The following ABLIM1 variants were observed in gnomAD, a reference collection of about 807,000 sequenced individuals.
The protein encoded by ABLIM1 is actin binding LIM protein 1, also known as actin-binding LIM protein 1.
A neutral mutation model predicts 107.0 loss-of-function variants in ABLIM1; 40 were observed. That is an observed-to-expected ratio of 0.37 (90% CI 0.29 to 0.49). The LOEUF is 0.49. Among genes scored for constraint, ABLIM1 ranks in the 20% least tolerant of loss-of-function variants. The pLI, the probability that ABLIM1 is intolerant of heterozygous loss-of-function variation, is 0.97. For missense variants in ABLIM1, 857 were observed against 1,008.5 expected (o/e 0.85, Z 2.04); for synonymous variants, 357 against 357.3 (o/e 1.00, Z 0.01).
chr10:114,798,910 C>T, the ABLIM1 span, among the ~76,000 whole-genome samples: 2 of 152,056 alleles, frequency 1.3e-5, no homozygotes, highest in Admixed American at 6.5e-5. Context: ...ATTCTCCTGC[C>T]TCAGCCTCCC....
At chr10:114,578,797 T>TC (rs2072981453) in intron 2 of ABLIM1, among the ~76,000 whole-genome samples, 1 of 147,522 alleles carries the variant, frequency 6.8e-6, no homozygotes, top group African/African-American at 2.5e-5. Flanking sequence ...TTTTTTTTTT[T>TC]TTTTTGAGAT....
At chr10:114,677,976 T>C (rs2080565960) in intron 1 of ABLIM1, among the ~76,000 whole-genome samples, 1 of 152,154 alleles carries the variant, frequency 6.6e-6, no homozygotes, top group African/African-American at 2.4e-5. Flanking sequence ...CAACTGACAA[T>C]AGAAAAATAC....
At chr10:114,567,149 G>A (rs2070871614) in intron 4 of ABLIM1, among the ~76,000 whole-genome samples, 1 of 152,204 alleles carries the variant, frequency 6.6e-6, no homozygotes, top group Admixed American at 6.5e-5. Context: ...TTGGAGTCAG[G>A]GCACCTGGAT....
At chr10:114,602,067 A>T in intron 1 of ABLIM1, 106 bp from the exon 2 acceptor site, 1 of 1,439,464 alleles carries the variant, frequency 6.9e-7, no homozygotes, top group Admixed American at 1.8e-5. Context: ...ACAGAGATTG[A>T]TTCGACAGTG....
intron 7 of ABLIM1, among the ~76,000 whole-genome samples, chr10:114,489,194 T>G (rs1036658477): frequency 5.9e-5 from 9 of 152,128 alleles, no homozygotes; most frequent in Admixed American, 1.3e-4. Context: ...ATTTTTGTAC[T>G]TTTAGTAAAG....
intron 6 of ABLIM1, among the ~76,000 whole-genome samples, chr10:114,513,991 A>T (rs780385895): frequency 6.6e-6 from 1 of 152,216 alleles, no homozygotes. Flanking sequence ...GAATAACTGC[A>T]TCTGTCCTAC....
chr10:114,552,141 T>C (rs1397204272), intron 4 of ABLIM1, among the ~76,000 whole-genome samples: 4 of 152,178 alleles, frequency 2.6e-5, no homozygotes, highest in Non-Finnish European at 4.4e-5. Flanking sequence ...TACCCACTCC[T>C]GTCTGGACAA....
Position 114,619,546 on chromosome 10 carries a change from C to A in ABLIM1, c.245-17585G>T, listed in dbSNP as rs908803071. On this transcript the variant is annotated intron_variant, in intron 1 of 22. Transcript: ENST00000533213. The surrounding 1 kb of genome is among the most constrained non-coding windows in gnomAD (Gnocchi z 4.1). ...AGCTCTTACACATCAAAAATGAATG[C>A]TATCCAGCATGTAATGCTCGACAAT... Among the ~76,000 whole-genome samples the A allele has an allele frequency of 6.6e-6, 1 of 152,140 alleles. No homozygotes were observed. The highest frequency in any genetic ancestry group is 2.4e-5 in the African/African-American group (1 of 41,438).
chr10:114,745,940 G>A (rs1422564767), intron 1 of ABLIM1, among the ~76,000 whole-genome samples: 1 of 152,160 alleles, frequency 6.6e-6, no homozygotes, highest in African/African-American at 2.4e-5. Flanking sequence ...CTCCAAAACA[G>A]CAGAGGAGTT....
chr10:114,440,233 T>C, intron 19 of ABLIM1, 144 bp from the exon 20 acceptor site: 1 of 830,768 alleles, frequency 1.2e-6, no homozygotes, highest in East Asian at 2.6e-5. Context: ...TCTGCACATG[T>C]TATCCCATCA....
At chr10:114,756,217 C>T (rs2082627178) in intron 1 of ABLIM1, among the ~76,000 whole-genome samples, 1 of 152,054 alleles carries the variant, frequency 6.6e-6, no homozygotes, top group African/African-American at 2.4e-5. Flanking sequence ...TAAATGCTAC[C>T]TTTACTATAA....
At chr10:114,631,880 A>T in intron 1 of ABLIM1, 1 of 1,303,762 alleles carries the variant, frequency 7.7e-7, no homozygotes, top group Non-Finnish European at 1.0e-6. Flanking sequence ...AACCATGCAC[A>T]GTGATCGATA....
chr10:114,444,124 C>CTTAA lies in ABLIM1; in HGVS notation c.1837_1838insTTAA (p.Gly613ValfsTer41). ...TTCTTTCAAGATCAACTGTCCCAGG[C>CTTAA]CTGAGTTAAGCTATTCACAGAAAAA... On this transcript the variant is annotated frameshift_variant, in exon 17 of 23. Transcript: ENST00000533213. LOFTEE classifies it high-confidence loss of function. 6.3e-7 allele frequency: 1 copy of CTTAA among 1,592,656 alleles called. No individual in the cohort carries two copies. Among genetic ancestry groups the CTTAA allele is most frequent in the Non-Finnish European group, 8.5e-7 (1 of 1,172,632 alleles).
intron 8 of ABLIM1, among the ~76,000 whole-genome samples, chr10:114,478,005 A>G (rs2056751842): frequency 6.6e-6 from 1 of 152,042 alleles, no homozygotes; most frequent in Non-Finnish European, 1.5e-5. Flanking sequence ...TACAGACGTG[A>G]GCCATAACGC....
At chr10:114,717,987 A>AAGG (rs2081717360) in intron 1 of ABLIM1, among the ~76,000 whole-genome samples, 1 of 101,922 alleles carries the variant, frequency 9.8e-6, no homozygotes, top group African/African-American at 4.0e-5. Context: ...AGAAAGAAAG[A>AAGG]AAGAAAGGAA....
the ABLIM1 span, among the ~76,000 whole-genome samples, chr10:114,787,682 A>G: frequency 1.0e-5 from 1 of 98,072 alleles, no homozygotes; most frequent in Non-Finnish European, 2.3e-5. Flanking sequence ...CTGCCCGGCC[A>G]GCCACCCCGT....
At chr10:114,794,558 G>C in the ABLIM1 span, among the ~76,000 whole-genome samples, 1 of 152,218 alleles carries the variant, frequency 6.6e-6, no homozygotes, top group South Asian at 2.1e-4. Context: ...CTAGAAAAAT[G>C]AGTAACATCA....
At chr10:114,791,050 C>T in the ABLIM1 span, among the ~76,000 whole-genome samples, 1 of 152,158 alleles carries the variant, frequency 6.6e-6, no homozygotes, top group African/African-American at 2.4e-5. Context: ...TCTGCCAAAT[C>T]ATGATCTGCT....
chr10:114,704,302 C>CTATATATATATA (rs369952218), intron 1 of ABLIM1, among the ~76,000 whole-genome samples: 1 of 43,088 alleles, frequency 2.3e-5, no homozygotes, highest in Non-Finnish European at 4.7e-5. Flanking sequence ...CTCTCTCTCT[C>CTATATATATATA]TATATATATA....
Sources: gnomAD v4.1 joint callset for allele counts (sites outside exome capture counted in the v4.1 genomes callset) on GRCh38, gnomAD v4.1.1 for gene constraint, Gnocchi (gnomAD v3.1) non-coding constraint, MANE v1.5 for transcripts, NCBI Gene and HGNC (gene_info 2026-07-23, HGNC 2026-07-21) for gene names.